The following EVL variants were observed in gnomAD, a reference collection of about 807,000 sequenced individuals.
EVL encodes the protein ena/VASP-like protein.
In EVL, 21 loss-of-function variants were observed where a neutral mutation model predicts 59.6. The observed-to-expected ratio is 0.35, with a 90% CI of 0.25 to 0.51. EVL has a LOEUF of 0.51. EVL is among the 20% of genes least tolerant of loss of function. The pLI, the probability that EVL is intolerant of heterozygous loss-of-function variation, is 0.97. For missense variants in EVL, 462 were observed against 546.6 expected (o/e 0.85, Z 1.54); for synonymous variants, 198 against 203.5 (o/e 0.97, Z 0.23).
intron 3 of EVL, among the ~76,000 whole-genome samples, chr14:100,098,118 TTTAG>T (rs1885946434): frequency 6.6e-6 from 1 of 152,228 alleles, no homozygotes; most frequent in Admixed American, 6.5e-5. Flanking sequence ...CCTCAAGGCA[TTTAG>T]TTTTTCATGG....
rs748281095 is a variant in EVL at position 100,129,802 on chromosome 14, C to A, written c.839+118C>A. The A allele has an allele frequency of 1.3e-4, 180 of 1,373,382 alleles. 1 individual carries two copies. Among genetic ancestry groups the A allele is most frequent in the Non-Finnish European group, 1.7e-4 (173 of 1,039,664 alleles). 85.1% of individuals were successfully genotyped at this position (1,373,382 alleles called of 1,614,324 possible). On this transcript the variant is annotated intron_variant, in intron 7 of 13. Coordinates refer to ENST00000392920, the MANE Select transcript of EVL (RefSeq NM_016337.3). ...AGAATCTTTGTTCCCTGGGTTTAGCCAAGCAGGGGAAACTGTTACTTAAGT... is the reference window on the plus strand; with the variant it reads ...AGAATCTTTGTTCCCTGGGTTTAGCAAAGCAGGGGAAACTGTTACTTAAGT...
At chr14:100,138,874 A>T (rs1566732886) in intron 11 of EVL, 1 of 152,218 alleles carries the variant, frequency 6.6e-6, no homozygotes, top group Non-Finnish European at 1.5e-5. Context: ...GATCATGGGG[A>T]CAGCCTCCCA....
At position 100,130,196 on chromosome 14, in the gene EVL, A is replaced by G. The variant is rs906704931; in HGVS notation, c.839+512A>G. On this transcript the variant is annotated intron_variant, in intron 7 of 13. Coordinates refer to ENST00000392920, the MANE Select transcript of EVL (RefSeq NM_016337.3). The surrounding 1 kb of genome is among the most constrained non-coding windows in gnomAD (Gnocchi z 4.8). Reference sequence around the variant, plus strand: ...CGACGGAGAGAGAGTAGTTCCATCTACATCCCGGCCGGGCTCTTGGGCCTG... The same window carrying G: ...CGACGGAGAGAGAGTAGTTCCATCTGCATCCCGGCCGGGCTCTTGGGCCTG... 2.6e-5 allele frequency among the ~76,000 whole-genome samples: 4 copies of G among 152,160 alleles called. No individual in the cohort carries two copies. Among genetic ancestry groups the G allele is most frequent in the Admixed American group, 6.5e-5 (1 of 15,288 alleles).
At chr14:100,107,912 A>C (rs144864279) in intron 3 of EVL, 1 of 152,238 alleles carries the variant, frequency 6.6e-6, no homozygotes, top group African/African-American at 2.4e-5. Context: ...CTCTGAAGAA[A>C]AGAAAAAGGA....
At position 100,044,246 on chromosome 14, in the gene EVL, G is replaced by A. The variant is rs1173791650; in HGVS notation, c.6-40441G>A. Among the ~76,000 whole-genome samples the A allele has an allele frequency of 2.0e-5, 3 of 152,184 alleles. No individual in the cohort carries two copies. In the East Asian group the frequency reaches 5.8e-4, roughly 29 times the overall value. On this transcript the variant is annotated intron_variant, in intron 1 of 13. Coordinates refer to the EVL transcript ENST00000402714. ...TTCACAACATGTGTGAACCTGCGTA[G>A]CATAGTTGTGAAATAGTATACAAGA... is the stretch of plus-strand genomic sequence containing the variant.
chr14:100,087,601 G>A (rs369335170), intron 2 of EVL, among the ~76,000 whole-genome samples: 76 of 152,318 alleles, frequency 5.0e-4, no homozygotes, highest in African/African-American at 1.5e-3. Flanking sequence ...GTGACAGGGC[G>A]AGATTCTGTC....
chr14:99,979,493 A>G (rs1480894373), intron 1 of EVL, among the ~76,000 whole-genome samples: 3 of 150,956 alleles, frequency 2.0e-5, no homozygotes, highest in African/African-American at 7.3e-5. Flanking sequence ...TTTTTCAGTT[A>G]TATGTGAAGT....
chr14:100,115,914 A>G (rs142631810), intron 3 of EVL, among the ~76,000 whole-genome samples: 2 of 152,328 alleles, frequency 1.3e-5, no homozygotes, highest in East Asian at 3.9e-4. Flanking sequence ...TTGTTTCCCA[A>G]AGACAAATGC....
At chr14:100,073,614 C>T (rs2062096656) in intron 1 of EVL, among the ~76,000 whole-genome samples, 1 of 152,082 alleles carries the variant, frequency 6.6e-6, no homozygotes, top group Non-Finnish European at 1.5e-5. Context: ...GCCACTGTGC[C>T]CGGCCCTTGT....
At chr14:100,101,272 G>A (rs941763417) in intron 3 of EVL, among the ~76,000 whole-genome samples, 2 of 152,182 alleles carry the variant, frequency 1.3e-5, no homozygotes, top group African/African-American at 4.8e-5. Context: ...ATCACCTGAG[G>A]TCGGGAGTTC....
Position 100,123,343 on chromosome 14 carries a change from G to A in EVL, c.359-196G>A, listed in dbSNP as rs1473807940. Among the ~76,000 whole-genome samples the A allele has an allele frequency of 2.6e-5, 4 of 152,216 alleles. No homozygotes were observed. The East Asian group carries it at 5.8e-4, about 22-fold the overall frequency. On this transcript the variant is annotated intron_variant, in intron 3 of 13. Coordinates refer to ENST00000392920, the MANE Select transcript of EVL (RefSeq NM_016337.3). The stretch of plus-strand genomic sequence containing the variant: ...ATTTATTGGTTCAGAATGAAGAGCC[G>A]TGAGAGAGAGAGGGTGATTGAGAGA...
chr14:100,121,785 T>G (rs919988593), intron 3 of EVL, among the ~76,000 whole-genome samples: 9 of 151,560 alleles, frequency 5.9e-5, no homozygotes, highest in Non-Finnish European at 8.8e-5. Flanking sequence ...CTGACAAGGG[T>G]GGAAAACAGT....
At chr14:100,024,407 A>T (rs1009693781) in intron 1 of EVL, among the ~76,000 whole-genome samples, 1 of 152,184 alleles carries the variant, frequency 6.6e-6, no homozygotes, top group Admixed American at 6.5e-5. Flanking sequence ...GAAGAAACAG[A>T]TGTTTAGTAC....
chr14:100,120,757 TGGAGCCTGGACCC>T (rs893000533), intron 3 of EVL, among the ~76,000 whole-genome samples: 3 of 152,304 alleles, frequency 2.0e-5, no homozygotes, highest in Non-Finnish European at 4.4e-5. Context: ...TCTTATTCAA[TGGAGCCTGGACCC>T]AACCCTGTGC....
intron 1 of EVL, among the ~76,000 whole-genome samples, chr14:100,068,951 GTC>G (rs1327567354): frequency 6.6e-6 from 1 of 152,144 alleles, no homozygotes; most frequent in Non-Finnish European, 1.5e-5. Flanking sequence ...TCCTTCCCTG[GTC>G]TCTCTGTTGT....
chr14:100,004,650 CATTTT>C (rs1322434968), intron 1 of EVL, among the ~76,000 whole-genome samples: 1 of 152,166 alleles, frequency 6.6e-6, no homozygotes, highest in East Asian at 1.9e-4. Context: ...AATAACCAGT[CATTTT>C]ATTCTAGGAC....
At chr14:100,081,045 C>A (rs944368141) in intron 1 of EVL, among the ~76,000 whole-genome samples, 1 of 152,036 alleles carries the variant, frequency 6.6e-6, no homozygotes, top group African/African-American at 2.4e-5. Context: ...CCAAAGAGAC[C>A]AAGATGGGAG....
At chr14:100,128,423 GC>G in intron 5 of EVL, 95 bp from the exon 6 acceptor site, 1 of 1,250,128 alleles carries the variant, frequency 8.0e-7, no homozygotes, top group Non-Finnish European at 1.2e-6. Context: ...GGAGCAGCCT[GC>G]CCCTGTCCTT....
chr14:100,007,539 T>G (rs976974051), intron 1 of EVL, among the ~76,000 whole-genome samples: 3 of 152,322 alleles, frequency 2.0e-5, no homozygotes, highest in South Asian at 2.1e-4. Flanking sequence ...ATGGCACTCA[T>G]GAAAAATGCC....
Sources: gnomAD v4.1 joint callset for allele counts (sites outside exome capture counted in the v4.1 genomes callset) on GRCh38, gnomAD v4.1.1 for gene constraint, Gnocchi (gnomAD v3.1) non-coding constraint, MANE v1.5 for transcripts, NCBI Gene and HGNC (gene_info 2026-07-23, HGNC 2026-07-21) for gene names.